Variants in SPICE1 observed in about 807,000 individuals in gnomAD.
SPICE1 encodes spindle and centriole-associated protein 1.
A neutral mutation model predicts 102.7 loss-of-function variants in SPICE1; 75 were observed. The observed-to-expected ratio is 0.73, with a 90% confidence interval of 0.61 to 0.88. The LOEUF is 0.88. Among genes scored for constraint, SPICE1 ranks in the 40% least tolerant of loss-of-function variants. The pLI is 0.00. For synonymous variants in SPICE1, 308 were observed against 350.3 expected (o/e 0.88, Z 1.35); for missense variants, 979 against 1,020.1 (o/e 0.96, Z 0.55).
At chr3:113,502,247 G>A (rs950490572) in intron 3 of SPICE1, among the ~76,000 whole-genome samples, 17 of 152,170 alleles carry the variant, frequency 1.1e-4, no homozygotes, top group African/African-American at 4.1e-4. Context: ...GTGGTGGCAT[G>A]CACCTGTAGT....
chr3:113,484,219 A>C (rs1217927651), intron 7 of SPICE1, among the ~76,000 whole-genome samples: 1 of 152,112 alleles, frequency 6.6e-6, no homozygotes, highest in African/African-American at 2.4e-5. Flanking sequence ...CTGTGGGATC[A>C]GTGGTGATAT....
In SPICE1 at chr3:113,469,185, G is replaced by A; in HGVS notation, c.665C>T (p.Thr222Ile). The A allele has an allele frequency of 6.2e-7, 1 of 1,607,812 alleles. No homozygotes were observed. The highest frequency in any genetic ancestry group is 1.3e-5 in the African/African-American group (1 of 74,844). ...ENFELISKLWTDIQQKIATQS... is the reference protein window; with the variant it reads ...ENFELISKLWIDIQQKIATQS... ...GGTTGCTATTTTCTGCTGAATGTCA[G>A]TCCACAACTTACTAATTAACTCAAA... is the stretch of plus-strand genomic sequence containing the variant. Residue 222 changes from threonine to isoleucine, a missense_variant, in exon 8 of 18, where the codon ACT becomes ATT. Coordinates refer to ENST00000295872, the MANE Select transcript of SPICE1 (RefSeq NM_144718.4).
Position 113,450,429 on chromosome 3 carries a change from T to C in SPICE1, c.2230A>G (p.Lys744Glu). Residue 744 changes from lysine to glutamate, a missense_variant, in exon 15 of 18, where the codon AAA (lysine) becomes GAA (glutamate). Transcript: ENST00000295872. ...TGCTGCTCTATCAACTGCAGTAGTT[T>C]TCCACGAGCCTCCATACTTTGTCGA... ...LNRQSMEARG[K>E]LLQLIEQQKL... The C allele has an allele frequency of 6.2e-7, 1 of 1,614,100 alleles. No individual in the cohort carries two copies. The highest frequency in any genetic ancestry group is 1.1e-5 in the South Asian group (1 of 91,064).
intron 1 of SPICE1, among the ~76,000 whole-genome samples, chr3:113,508,646 A>G (rs765232380): frequency 6.6e-6 from 1 of 152,222 alleles, no homozygotes; most frequent in Non-Finnish European, 1.5e-5. Context: ...TAGAATCCTC[A>G]CATATTGCTC....
intron 11 of SPICE1, among the ~76,000 whole-genome samples, chr3:113,462,621 T>C (rs944983962): frequency 6.6e-6 from 1 of 152,252 alleles, no homozygotes; most frequent in Non-Finnish European, 1.5e-5. Flanking sequence ...TAAATAATTG[T>C]AGTTATTTAA....
chr3:113,492,891 C>T (rs1337241151), intron 6 of SPICE1, among the ~76,000 whole-genome samples: 1 of 152,132 alleles, frequency 6.6e-6, no homozygotes, highest in Non-Finnish European at 1.5e-5. Context: ...GATTTGAATC[C>T]CATCTCTGAT....
chr3:113,445,679 A>G (rs534507887), intron 17 of SPICE1, among the ~76,000 whole-genome samples: 5 of 152,334 alleles, frequency 3.3e-5, no homozygotes, highest in Middle Eastern at 3.4e-3. Context: ...AAATGCTACT[A>G]AATTCCAGGA....
chr3:113,465,309 C>T (rs74616659), intron 11 of SPICE1, among the ~76,000 whole-genome samples: 9,058 of 152,190 alleles, frequency 0.06, 345 homozygotes, highest in East Asian at 0.1. Context: ...TCAAAGGCTA[C>T]CTTCTGCTGT....
intron 3 of SPICE1, 26 bp downstream of exon 3, chr3:113,503,154 G>T: frequency 6.2e-7 from 1 of 1,600,816 alleles, no homozygotes; most frequent in East Asian, 2.3e-5. Flanking sequence ...CTGAATAAAT[G>T]ACTTAAGTTT....
intron 17 of SPICE1, among the ~76,000 whole-genome samples, chr3:113,446,243 A>C (rs114851819): frequency 0.041 from 6,266 of 152,284 alleles, 421 homozygotes; most frequent in African/African-American, 0.14. Context: ...ACCCAAGCAC[A>C]AGGACTGGGG....
At chr3:113,479,199 C>G (rs1936434359) in intron 7 of SPICE1, among the ~76,000 whole-genome samples, 2 of 144,634 alleles carry the variant, frequency 1.4e-5, no homozygotes, top group South Asian at 4.4e-4. Context: ...TTGTTCAATT[C>G]CCATCTATGA....
chr3:113,514,527 T>C, intron 1 of SPICE1: 1 of 402,370 alleles, frequency 2.5e-6, no homozygotes, highest in Admixed American at 2.9e-5. Context: ...CTCTCACATC[T>C]CCCGCAAATC....
chr3:113,489,748 G>A (rs1936724560), intron 6 of SPICE1, among the ~76,000 whole-genome samples: 1 of 151,408 alleles, frequency 6.6e-6, no homozygotes, highest in Admixed American at 6.6e-5. Context: ...TCAGGAGGCT[G>A]AGGAGGGAGA....
In SPICE1 at chr3:113,511,331, T is replaced by C. The variant is rs11920468; in HGVS notation, c.-1+3566A>G. 9.1e-3 allele frequency among the ~76,000 whole-genome samples: 1,386 copies of C among 152,304 alleles called. 16 individuals carry two copies. The highest frequency in any genetic ancestry group is 0.031 in the African/African-American group (1,307 of 41,554). ...CACATATATGTTCACTGCAGCACTA[T>C]TCACAATAGCAAAGAGATGGAATCA... On this transcript the variant is annotated intron_variant, in intron 1 of 17. Transcript: ENST00000295872.
chr3:113,496,285 C>G (rs921899650), intron 4 of SPICE1, among the ~76,000 whole-genome samples: 13 of 151,870 alleles, frequency 8.6e-5, no homozygotes, highest in Admixed American at 3.9e-4. Flanking sequence ...CTCATAAAGC[C>G]CATCCATTTG....
At chr3:113,458,913 A>G (rs1935854928) in intron 12 of SPICE1, among the ~76,000 whole-genome samples, 1 of 152,124 alleles carries the variant, frequency 6.6e-6, no homozygotes, top group South Asian at 2.1e-4. Context: ...CCCGTCTGGG[A>G]GGTGTACCCA....
At chr3:113,450,057 G>A (rs75437970) in intron 15 of SPICE1, 7,876 of 418,052 alleles carry the variant, frequency 0.019, 528 homozygotes, top group African/African-American at 0.14. Flanking sequence ...TAAGTGAACC[G>A]TACACTATAA....
rs771630241 is a variant in SPICE1, at chr3:113,457,148, G to C, written c.1645C>G (p.Pro549Ala). ...GAAGAAGACTTACCGTCCTGAAGAG[G>C]AGAGAATTTTAAGTTGCTCTTCTGC... is the stretch of plus-strand genomic sequence containing the variant. Reference protein sequence around the residue: ...PRQKSNLKFSPLQDVLRRTVQ... With the variant: ...PRQKSNLKFSALQDVLRRTVQ... Residue 549 changes from proline (P) to alanine (A), a missense_variant, in exon 13 of 18, where the codon CCT becomes GCT. Pro to Ala is a conservative substitution (Grantham distance 27, BLOSUM62 -1). Coordinates refer to ENST00000295872, the MANE Select transcript of SPICE1 (RefSeq NM_144718.4). 1 of 1,614,118 alleles carries C rather than the reference G, an allele frequency of 6.2e-7. No individual in the cohort carries two copies. Among genetic ancestry groups the C allele is most frequent in the Non-Finnish European group, 8.5e-7 (1 of 1,180,004 alleles).
rs373943959 is a variant in SPICE1 at position 113,448,148 on chromosome 3, A to G, written c.2324-8T>C. ...TTGTCCTCTTTGCTCCTTCTAAAAT[A>G]TAAAAATAAATATTAGTTCCATTAC... On this transcript the variant is annotated splice_region_variant and splice_polypyrimidine_tract_variant and intron_variant, in intron 15 of 17. Coordinates refer to ENST00000295872, the MANE Select transcript of SPICE1 (RefSeq NM_144718.4). The G allele has an allele frequency of 1.0e-4, 160 of 1,579,136 alleles. No homozygotes were observed. In the African/African-American group the frequency reaches 2.0e-3, roughly 19 times the overall value.
Sources: allele counts gnomAD v4.1 joint callset (sites outside exome capture counted in the v4.1 genomes callset), GRCh38; gene constraint gnomAD v4.1.1; transcripts MANE v1.5; gene names NCBI Gene and HGNC (gene_info 2026-07-23, HGNC 2026-07-21).